The following CARS1 variants were observed in gnomAD, a reference collection of about 807,000 sequenced individuals.
The protein encoded by CARS1 is cysteine--tRNA ligase, cytoplasmic.
A neutral mutation model predicts 106.2 loss-of-function variants in CARS1; 48 were observed. The observed-to-expected ratio is 0.45, with a 90% CI of 0.36 to 0.57. The LOEUF (loss-of-function observed/expected upper bound fraction) is 0.57. CARS1 is among the 20% of genes least tolerant of loss of function. The pLI is 0.00. For missense variants in CARS1, 968 were observed against 1,057.2 expected (o/e 0.92, Z 1.17); for synonymous variants, 409 against 403.4 (o/e 1.01, Z -0.17).
At chr11:3,007,340 T>A in intron 18 of CARS1, 1 of 238,820 alleles carries the variant, frequency 4.2e-6, no homozygotes, top group Non-Finnish European at 8.1e-6. Context: ...TCCCTTCGGG[T>A]GCTAACACTC....
chr11:3,037,008 TA>T lies in CARS1; in HGVS notation c.801+1041del, dbSNP rs80157407. On this transcript the variant is annotated intron_variant, in intron 7 of 22. Transcript: ENST00000380525. This position sits in a 1 kb window ranked among gnomAD's most constrained non-coding sequence, Gnocchi z 5.9. The stretch of plus-strand genomic sequence containing the variant: ...CTTATGATGTGTGTTTTACCACAAT[TA>T]AAAAAAAAAAAAGAATATTAGTGGA... 0.01 allele frequency among the ~76,000 whole-genome samples: 1,431 copies of T among 142,834 alleles called. 10 individuals are homozygous for T. Among genetic ancestry groups the T allele is most frequent in the African/African-American group, 0.014 (555 of 39,064 alleles). 93.7% of individuals were successfully genotyped at this position (142,834 alleles called of 152,430 possible).
rs983771770 is a variant in CARS1 at position 3,043,333 on chromosome 11, G to C, written c.275-1077C>G. On this transcript the variant is annotated intron_variant, in intron 2 of 22. Transcript: ENST00000380525. This position sits in a 1 kb window ranked among gnomAD's most constrained non-coding sequence, Gnocchi z 4.0. ...CGTCAATCTGGCAAAGCTAGGTGTG[G>C]AGGACGGTACCTGGTGACTTTCCCG... Among the ~76,000 whole-genome samples, 7 of 152,020 alleles carry C rather than the reference G, an allele frequency of 4.6e-5. No individual in the cohort carries two copies. Among genetic ancestry groups the C allele is most frequent in the Admixed American group, 6.5e-5 (1 of 15,272 alleles).
intron 16 of CARS1, among the ~76,000 whole-genome samples, chr11:3,016,714 A>G (rs1491003018): frequency 6.6e-6 from 1 of 151,654 alleles, no homozygotes; most frequent in Non-Finnish European, 1.5e-5. Flanking sequence ...CCTGGGCTCA[A>G]GCGAGCCCCT....
rs1211637972 is a variant in CARS1 at position 3,048,432 on chromosome 11, A to C, written c.26-431T>G. 1 of 161,040 alleles carries C rather than the reference A, an allele frequency of 6.2e-6. No homozygotes were observed. The highest frequency in any genetic ancestry group is 2.4e-5 in the African/African-American group (1 of 41,830). The allele number at this position is 161,040 out of a possible 1,614,324, so 10.0% of individuals were successfully genotyped here. On this transcript the variant is annotated intron_variant, in intron 1 of 22. Transcript: ENST00000380525. This position sits in a 1 kb window ranked among gnomAD's most constrained non-coding sequence, Gnocchi z 5.1. ...AGTTTCTGACATTTGGGGAAATCAT[A>C]GGGGTCAGCACATCTGGAGTATAAC...
rs566925463 is a variant in CARS1 at position 3,029,133 on chromosome 11, G to A, written c.943-49C>T. On this transcript the variant is annotated intron_variant, in intron 8 of 22. Coordinates refer to ENST00000380525, the MANE Select transcript of CARS1 (RefSeq NM_001014437.3). The surrounding 1 kb of genome is among the most constrained non-coding windows in gnomAD (Gnocchi z 5.9). The stretch of plus-strand genomic sequence containing the variant: ...TGGGATTTTCCCTTCTGAAAACCAC[G>A]CGCTCCATAAAAACGTTCCCAATTC... The A allele has an allele frequency of 4.2e-5, 62 of 1,487,428 alleles. No homozygotes were observed. In the African/African-American group the frequency reaches 5.8e-4, roughly 14 times the overall value. 92.1% of individuals were successfully genotyped at this position (1,487,428 alleles called of 1,614,324 possible).
At chr11:3,018,897 C>T (rs1470929917) in intron 12 of CARS1, 148 bp from the exon 13 acceptor site, 18 of 1,196,220 alleles carry the variant, frequency 1.5e-5, no homozygotes. Flanking sequence ...AAGGACAGCC[C>T]AGGTTAATAA....
chr11:3,042,373 AC>A, intron 2 of CARS1, 117 bp from the exon 3 acceptor site: 1 of 664,572 alleles, frequency 1.5e-6, no homozygotes, highest in Non-Finnish European at 2.6e-6. Context: ...TGAAATTTAA[AC>A]AATGTGAAAC....
chr11:3,034,324 T>A lies in CARS1; in HGVS notation c.801+3726A>T, dbSNP rs1435900909. On this transcript the variant is annotated intron_variant, in intron 7 of 22. Transcript: ENST00000380525. This position sits in a 1 kb window ranked among gnomAD's most constrained non-coding sequence, Gnocchi z 6.3. ...CAACCTCCGCCTCCTGGTTTCAAGC[T>A]ATTCTCCTGCCTCAGCCTCCAGAGT... 1.3e-5 allele frequency among the ~76,000 whole-genome samples: 2 copies of A among 151,836 alleles called. No individual in the cohort carries two copies. Among genetic ancestry groups the A allele is most frequent in the African/African-American group, 4.8e-5 (2 of 41,298 alleles).
At position 3,050,344 on chromosome 11, in the gene CARS1, G is replaced by T. The variant is rs1051194092; in HGVS notation, c.26-2343C>A. 1.3e-5 allele frequency among the ~76,000 whole-genome samples: 2 copies of T among 152,040 alleles called. No homozygotes were observed. Among genetic ancestry groups the T allele is most frequent in the Non-Finnish European group, 2.9e-5 (2 of 67,998 alleles). Reference sequence around the variant, plus strand: ...GGCCACCCACTCCAAGCAGCCACAGGCACCCAGAAGCAAAGCTCTGGGCAC... The same window carrying T: ...GGCCACCCACTCCAAGCAGCCACAGTCACCCAGAAGCAAAGCTCTGGGCAC... On this transcript the variant is annotated intron_variant, in intron 1 of 22. Transcript: ENST00000380525. This position sits in a 1 kb window ranked among gnomAD's most constrained non-coding sequence, Gnocchi z 6.3.
rs1403104118 is a variant in CARS1 at position 3,027,723 on chromosome 11, C to T, written c.1032-926G>A. The T allele has an allele frequency of 9.7e-6, 4 of 410,752 alleles. No homozygotes were observed. In the Admixed American group the frequency reaches 1.0e-4, roughly 10 times the overall value. The allele number at this position is 410,752 out of a possible 1,614,324, so 25.4% of individuals were successfully genotyped here. On this transcript the variant is annotated intron_variant, in intron 9 of 22. Transcript: ENST00000380525. Reference sequence around the variant, plus strand: ...GACCAGAAGACAAGAGTGTGAACCTCCTGTTATGCCCGGACACGGCCACCA... The same window carrying T: ...GACCAGAAGACAAGAGTGTGAACCTTCTGTTATGCCCGGACACGGCCACCA...
chr11:3,033,361 G>C (rs528347764), intron 7 of CARS1, among the ~76,000 whole-genome samples: 13 of 152,270 alleles, frequency 8.5e-5, no homozygotes, highest in Non-Finnish European at 1.9e-4. Flanking sequence ...GATTGGGACA[G>C]ACCATACTCT....
chr11:3,032,185 G>A (rs1430254067), intron 7 of CARS1, among the ~76,000 whole-genome samples: 1 of 151,464 alleles, frequency 6.6e-6, no homozygotes, highest in Non-Finnish European at 1.5e-5. Flanking sequence ...CAATTCTCCT[G>A]CCTCAGCCTC....
intron 1 of CARS1, among the ~76,000 whole-genome samples, chr11:3,055,495 G>A (rs1856114594): frequency 1.3e-5 from 2 of 152,232 alleles, no homozygotes; most frequent in Admixed American, 6.5e-5. Context: ...TGTGATGGGA[G>A]GAGGCGATAG....
At chr11:3,018,578 G>A (rs1394486629) in intron 13 of CARS1, 42 bp downstream of exon 13, 3 of 1,613,272 alleles carry the variant, frequency 1.9e-6, no homozygotes, top group Admixed American at 3.3e-5. Context: ...ACACATGTAT[G>A]AGAAGGTGGT....
chr11:3,041,997 C>T lies in CARS1; in HGVS notation c.366+168G>A, dbSNP rs929936253. ...AGAGGACAGCTCTGCCTCTGGGCCA[C>T]AGAGACTATAACATGGAAGTGACTG... On this transcript the variant is annotated intron_variant, in intron 3 of 22. Transcript: ENST00000380525. This position sits in a 1 kb window ranked among gnomAD's most constrained non-coding sequence, Gnocchi z 4.9. 3.9e-5 allele frequency among the ~76,000 whole-genome samples: 6 copies of T among 152,192 alleles called. No individual in the cohort carries two copies. The highest frequency in any genetic ancestry group is 1.4e-4 in the African/African-American group (6 of 41,440).
intron 17 of CARS1, among the ~76,000 whole-genome samples, chr11:3,014,521 C>T (rs768922797): frequency 1.3e-5 from 2 of 152,206 alleles, no homozygotes; most frequent in Non-Finnish European, 2.9e-5. Context: ...CCACAGCAGC[C>T]GTTAAGATGA....
Position 3,054,965 on chromosome 11 carries a change from A to C in CARS1, c.25+2378T>G, listed in dbSNP as rs1456608892. The C allele has an allele frequency of 7.1e-6, 5 of 702,604 alleles. No homozygotes were observed. The South Asian group carries it at 7.4e-5, about 10-fold the overall frequency. The allele number at this position is 702,604 out of a possible 1,614,324, so 43.5% of individuals were successfully genotyped here. ...TCTACCCCAGAAACCTCAGAAATGA[A>C]ACTCATCCTTCTGAAATAATCAGGC... On this transcript the variant is annotated intron_variant, in intron 1 of 22. Coordinates refer to ENST00000380525, the MANE Select transcript of CARS1 (RefSeq NM_001014437.3).
At position 3,018,521 on chromosome 11, in the gene CARS1, G is replaced by A. The variant is rs745573425; in HGVS notation, c.1526-10C>T. 13 of 1,613,234 alleles carry A rather than the reference G, an allele frequency of 8.1e-6. No homozygotes were observed. The highest frequency in any genetic ancestry group is 2.2e-5 in the South Asian group (2 of 91,074). On this transcript the variant is annotated splice_polypyrimidine_tract_variant and intron_variant, in intron 13 of 22. Transcript: ENST00000380525. The stretch of plus-strand genomic sequence containing the variant: ...AGCCGCAACTGCCGTGCTGTGGGGG[G>A]ACACAAGACAGCCAACGCCCTTATT...
chr11:3,026,653 G>A, intron 10 of CARS1, 23 bp downstream of exon 10: 2 of 1,611,936 alleles, frequency 1.2e-6, no homozygotes, highest in Non-Finnish European at 8.5e-7. Flanking sequence ...GAGCCCACAT[G>A]CTCTCAGGCA....
Sources: gnomAD v4.1 joint callset for allele counts (sites outside exome capture counted in the v4.1 genomes callset) on GRCh38, gnomAD v4.1.1 for gene constraint, Gnocchi (gnomAD v3.1) non-coding constraint, MANE v1.5 for transcripts, NCBI Gene and HGNC (gene_info 2026-07-23, HGNC 2026-07-21) for gene names.